FYN: variants seen among roughly 807,000 people sequenced by gnomAD.
The protein encoded by FYN is FYN proto-oncogene, Src family tyrosine kinase.
A neutral mutation model predicts 70.2 loss-of-function variants in FYN; 10 were observed. That is an observed-to-expected ratio of 0.14 (90% CI 0.09 to 0.24). The LOEUF (loss-of-function observed/expected upper bound fraction) is 0.24, where lower values mean the gene tolerates loss of function less well. Among genes scored for constraint, FYN ranks in the 10% least tolerant of loss-of-function variants. The pLI is 1.00. For missense variants in FYN, 319 were observed against 673.1 expected (o/e 0.47, Z 5.82); for synonymous variants, 236 against 248.6 (o/e 0.95, Z 0.48).
intron 2 of FYN, among the ~76,000 whole-genome samples, chr6:111,830,273 G>A (rs1562536974): frequency 6.6e-6 from 1 of 152,138 alleles, no homozygotes. Flanking sequence ...CAGGAAGATG[G>A]GATAACAGTG....
chr6:111,668,227 G>A (rs2128402709), intron 13 of FYN, among the ~76,000 whole-genome samples: 1 of 152,356 alleles, frequency 6.6e-6, no homozygotes, highest in Middle Eastern at 3.4e-3. Context: ...GTGACACTGA[G>A]TTAGGTTTTA....
intron 12 of FYN, among the ~76,000 whole-genome samples, chr6:111,683,063 G>T (rs773954205): frequency 6.6e-5 from 10 of 152,140 alleles, no homozygotes; most frequent in Non-Finnish European, 1.3e-4. Context: ...ATCTTCTGAG[G>T]GTCCATGATG....
intron 12 of FYN, among the ~76,000 whole-genome samples, chr6:111,690,921 C>T (rs1195084195): frequency 6.6e-6 from 1 of 152,186 alleles, no homozygotes; most frequent in Non-Finnish European, 1.5e-5. Flanking sequence ...TTCTTGATAT[C>T]AGTAGCTCCT....
chr6:111,830,081 C>T (rs73766762), intron 2 of FYN, among the ~76,000 whole-genome samples: 3,197 of 152,234 alleles, frequency 0.021, 100 homozygotes, highest in African/African-American at 0.071. Context: ...TGGAGCCAGA[C>T]AGATGGTATG....
intron 2 of FYN, among the ~76,000 whole-genome samples, chr6:111,796,530 CT>C (rs1771810325): frequency 6.6e-6 from 1 of 152,176 alleles, no homozygotes; most frequent in African/African-American, 2.4e-5. Flanking sequence ...CCTAATGATG[CT>C]TTTCTCAGAA....
At chr6:111,674,372 T>A (rs948196568) in intron 13 of FYN, 127 bp downstream of exon 13, 1 of 1,047,450 alleles carries the variant, frequency 9.5e-7, no homozygotes, top group African/African-American at 1.6e-5. Flanking sequence ...CCTGGCCATG[T>A]TCTTCAAACT....
chr6:111,775,812 G>T (rs1284649546), intron 3 of FYN, among the ~76,000 whole-genome samples: 1 of 152,174 alleles, frequency 6.6e-6, no homozygotes, highest in Non-Finnish European at 1.5e-5. Flanking sequence ...CAGTTCTGAG[G>T]AAGGGGCCCA....
intron 2 of FYN, among the ~76,000 whole-genome samples, chr6:111,842,131 ACTGAGGCTGGGTCACTCCGTTGC>A (rs1372492424): frequency 5.3e-5 from 8 of 152,132 alleles, no homozygotes; most frequent in Non-Finnish European, 7.3e-5. Context: ...TCAGTTATAC[ACTGAGGCTGGGTCACTCCGTTGC>A]CTGATCACCA....
chr6:111,771,737 T>C (rs1402711405), intron 3 of FYN, among the ~76,000 whole-genome samples: 1 of 152,248 alleles, frequency 6.6e-6, no homozygotes, highest in African/African-American at 2.4e-5. Context: ...GTCACCGCCA[T>C]TGAAAAGTCG....
At chr6:111,772,156 T>G (rs1803476895) in intron 3 of FYN, among the ~76,000 whole-genome samples, 1 of 152,118 alleles carries the variant, frequency 6.6e-6, no homozygotes, top group African/African-American at 2.4e-5. Flanking sequence ...AGTAAATGCT[T>G]TGCTAAAGTT....
At chr6:111,693,456 C>T (rs905772311) in intron 12 of FYN, among the ~76,000 whole-genome samples, 67 of 152,210 alleles carry the variant, frequency 4.4e-4, no homozygotes, top group African/African-American at 1.5e-3. Flanking sequence ...CATACTTAAT[C>T]ACACACTTTT....
intron 12 of FYN, among the ~76,000 whole-genome samples, chr6:111,685,178 A>C (rs914856227): frequency 6.6e-6 from 1 of 152,246 alleles, no homozygotes; most frequent in Admixed American, 6.5e-5. Flanking sequence ...CACCTGAGTG[A>C]TCAACGGATG....
intron 2 of FYN, among the ~76,000 whole-genome samples, chr6:111,821,351 T>G (rs1189156368): frequency 6.6e-6 from 1 of 152,150 alleles, no homozygotes; most frequent in African/African-American, 2.4e-5. Flanking sequence ...CCATCTGATC[T>G]TTGACAAACC....
intron 3 of FYN, among the ~76,000 whole-genome samples, chr6:111,729,607 TGTTA>T (rs1351162858): frequency 6.6e-6 from 1 of 152,138 alleles, no homozygotes; most frequent in Non-Finnish European, 1.5e-5. Flanking sequence ...TTAGAAAACT[TGTTA>T]GTTGTTTAGC....
chr6:111,865,197 G>A (rs1774070578), intron 1 of FYN, among the ~76,000 whole-genome samples: 1 of 152,126 alleles, frequency 6.6e-6, no homozygotes, highest in Non-Finnish European at 1.5e-5. Context: ...ATACATATTT[G>A]CCTAAACCAA....
intron 1 of FYN, among the ~76,000 whole-genome samples, chr6:111,856,057 C>A (rs759554190): frequency 2.6e-5 from 4 of 152,072 alleles, no homozygotes; most frequent in Non-Finnish European, 5.9e-5. Flanking sequence ...TTTGTGCCAT[C>A]TAAATTTGAC....
intron 3 of FYN, among the ~76,000 whole-genome samples, chr6:111,757,452 G>A (rs1279748228): frequency 2.0e-5 from 3 of 152,160 alleles, no homozygotes; most frequent in Non-Finnish European, 4.4e-5. Flanking sequence ...GTTGTAGATG[G>A]GGTTACTTTG....
At chr6:111,831,395 T>C (rs1387768564) in intron 2 of FYN, among the ~76,000 whole-genome samples, 3 of 152,172 alleles carry the variant, frequency 2.0e-5, no homozygotes, top group Non-Finnish European at 2.9e-5. Context: ...ATATTTTACA[T>C]GTAAAATGTT....
chr6:111,842,772 A>G (rs1773402835), intron 2 of FYN, among the ~76,000 whole-genome samples: 1 of 152,136 alleles, frequency 6.6e-6, no homozygotes, highest in Admixed American at 6.6e-5. Flanking sequence ...TTAGAATTAG[A>G]TTTTCCCCCC....
Sources: allele counts gnomAD v4.1 joint callset (sites outside exome capture counted in the v4.1 genomes callset), GRCh38; gene constraint gnomAD v4.1.1; transcripts MANE v1.5; gene names NCBI Gene and HGNC (gene_info 2026-07-23, HGNC 2026-07-21).